Variants in LIG4 observed in about 807,000 individuals in gnomAD.
LIG4 encodes the protein DNA joinase.
In LIG4, 13 loss-of-function variants were observed where a neutral mutation model predicts 19.0. The observed-to-expected ratio is 0.68, with a 90% confidence interval of 0.44 to 1.09. LIG4 has a LOEUF of 1.09. LIG4 is among the 50% of genes least tolerant of loss of function. LIG4 has a pLI of 0.00. For synonymous variants in LIG4, 361 were observed against 358.2 expected (o/e 1.01, Z -0.09); for missense variants, 1,026 against 1,089.7 (o/e 0.94, Z 0.82).
In LIG4 at chr13:108,210,034, T is replaced by C. The variant is rs781425152; in HGVS notation, c.1235A>G (p.Asn412Ser). The C allele has an allele frequency of 6.2e-7, 1 of 1,612,386 alleles. No individual in the cohort carries two copies. Among genetic ancestry groups the C allele is most frequent in the Non-Finnish European group, 8.5e-7 (1 of 1,179,984 alleles). The stretch of plus-strand genomic sequence containing the variant: ...TTCATTCAATGCATCAATTACTTCA[T>C]TCTTAGTATGAGCTTGTGTTTTCTG... ...IVQKTQAHTK[N>S]EVIDALNEAI... Residue 412 changes from asparagine to serine, a missense_variant, in exon 3 of 3, where the codon AAT (asparagine) becomes AGT (serine). Coordinates refer to ENST00000442234, the MANE Select transcript of LIG4 (RefSeq NM_206937.2).
chr13:108,210,392 G>A lies in LIG4; in HGVS notation c.877C>T (p.Arg293Ter), dbSNP rs948441067. 1.2e-5 allele frequency: 19 copies of A among 1,613,522 alleles called. No individual in the cohort carries two copies. The South Asian group carries it at 1.3e-4, about 11-fold the overall frequency. ...KDGDVYKYFS[R>*]NGYNYTDQFG... is the part of the protein sequence containing the mutation. ...TGATCAGTGTAGTTATATCCATTTC[G>A]AGAGAAGTATTTATATACATCTCCA... The change falls in exon 3 of 3, where the codon CGA becomes TGA. Residue 293 changes from arginine to a stop codon, truncating the protein, a stop_gained. Transcript: ENST00000442234. LOFTEE classifies it low-confidence loss of function (END_TRUNC).
chr13:108,211,919 A>G (rs1594468342), intron 2 of LIG4, among the ~76,000 whole-genome samples: 1 of 152,174 alleles, frequency 6.6e-6, no homozygotes, highest in South Asian at 2.1e-4. Flanking sequence ...GTTTCCTTTC[A>G]CTTCTTCACT....
Position 108,208,676 on chromosome 13 carries a change from T to C in LIG4, c.2593A>G (p.Ile865Val), listed in dbSNP as rs1273180760. 3.7e-6 allele frequency: 6 copies of C among 1,613,998 alleles called. No homozygotes were observed. In the African/African-American group the frequency reaches 8.0e-5, roughly 22 times the overall value. ...CLAEGVSHVIIGEDHSRVADF... is the reference protein window; with the variant it reads ...CLAEGVSHVIVGEDHSRVADF... ...GCAACACGACTATGATCTTCCCCAA[T>C]TATTACATGAGACACTCCCTCAGCT... The change falls in exon 3 of 3, where the codon ATT (isoleucine) becomes GTT (valine). Residue 865 changes from isoleucine (I) to valine (V), a missense_variant. This residue lies in a region of LIG4 where 521 missense variants were observed against 515.5 expected (regional missense o/e 1.01). Transcript: ENST00000442234.
upstream of LIG4, chr13:108,215,552 T>A (rs1478742475): frequency 6.8e-6 from 1 of 147,894 alleles, no homozygotes; most frequent in Non-Finnish European, 1.5e-5. Flanking sequence ...TTCCGCCAGC[T>A]GCTCGCCGCG....
Position 108,208,551 on chromosome 13 carries a change from T to C in LIG4, c.2718A>G (p.Glu906=). 6.2e-7 allele frequency: 1 copy of C among 1,610,322 alleles called. No homozygotes were observed. The highest frequency in any genetic ancestry group is 8.5e-7 in the Non-Finnish European group (1 of 1,176,802). The change falls in exon 3 of 3, where the codon GAA becomes GAG. Residue 906 remains glutamate, a synonymous_variant. Coordinates refer to ENST00000442234, the MANE Select transcript of LIG4 (RefSeq NM_206937.2). ...CCTAGCTTTAAATCAAATACTGGTT[T>C]TCTTCTTGTAATTCACACTTGTCTA... The part of the protein sequence containing the change: ...DSIDKCELQE[E]NQYLI
Position 108,209,847 on chromosome 13 carries a change from T to C in LIG4, c.1422A>G (p.Gly474=), listed in dbSNP as rs777060297. ...ILIVGGYWGK[G]SRGGMMSHFL... is the part of the protein sequence containing the mutation. ...AATGAGACATCATTCCACCCCGTGA[T>C]CCTTTACCCCAATATCCTCCAACAA... Residue 474 remains glycine, a synonymous_variant, in exon 3 of 3, where the codon GGA becomes GGG. Transcript: ENST00000442234. 1.5e-5 allele frequency: 24 copies of C among 1,614,164 alleles called. No homozygotes were observed. The African/African-American group carries it at 2.0e-4, about 13-fold the overall frequency.
chr13:108,208,507 G>C lies in LIG4; in HGVS notation c.*26C>G, dbSNP rs773391515. On this transcript the variant is annotated 3_prime_UTR_variant, in exon 3 of 3. Transcript: ENST00000442234. Reference sequence around the variant, plus strand: ...GCTGCAATGAGTCTGCCAGATCAGAGGCTTTCCTCACTAGGAAACCTAGCT... The same window carrying C: ...GCTGCAATGAGTCTGCCAGATCAGACGCTTTCCTCACTAGGAAACCTAGCT... The C allele has an allele frequency of 1.2e-5, 17 of 1,448,980 alleles. No individual in the cohort carries two copies. Among genetic ancestry groups the C allele is most frequent in the Non-Finnish European group, 1.6e-5 (17 of 1,032,532 alleles). 89.8% of individuals were successfully genotyped at this position (1,448,980 alleles called of 1,614,324 possible).
Position 108,208,307 on chromosome 13 carries a change from TA to T in LIG4, c.*225del. 2.2e-6 allele frequency: 1 copy of T among 448,118 alleles called. No homozygotes were observed. The highest frequency in any genetic ancestry group is 2.6e-5 in the South Asian group (1 of 38,932). The allele number at this position is 448,118 out of a possible 1,614,324, so 27.8% of individuals were successfully genotyped here. Reference sequence around the variant, plus strand: ...TAGACTGTTTATTTCACCTTGATCATAAAAAATCATTGAATACTACATTCAA... The same window carrying T: ...TAGACTGTTTATTTCACCTTGATCATAAAAATCATTGAATACTACATTCAA... On this transcript the variant is annotated 3_prime_UTR_variant, in exon 3 of 3. Coordinates refer to ENST00000442234, the MANE Select transcript of LIG4 (RefSeq NM_206937.2).
chr13:108,214,878 G>A (rs895082260), intron 1 of LIG4: 1 of 26,488 alleles, frequency 3.8e-5, no homozygotes, highest in African/African-American at 1.8e-4. Flanking sequence ...CCCCCCACCT[G>A]ACGCCCCTCA....
In LIG4 at chr13:108,210,730, G is replaced by A; in HGVS notation, c.539C>T (p.Ala180Val). The change falls in exon 3 of 3, where the codon GCA becomes GTA. Residue 180 changes from alanine to valine, a missense_variant. Physicochemically the swap from Ala to Val is moderately conservative, Grantham distance 64. Transcript: ENST00000442234. Reference sequence around the variant, plus strand: ...CCGTATAAGCCACTTTTGCTCAAGTGCTGAACTCTGAGTTATAAGTTGAAG... The same window carrying A: ...CCGTATAAGCCACTTTTGCTCAAGTACTGAACTCTGAGTTATAAGTTGAAG... The part of the protein sequence containing the change: ...SLLQLITQSS[A>V]LEQKWLIRMI... 6.2e-7 allele frequency: 1 copy of A among 1,613,958 alleles called. No homozygotes were observed. Among genetic ancestry groups the A allele is most frequent in the South Asian group, 1.1e-5 (1 of 91,084 alleles).
In LIG4 at chr13:108,208,761, T is replaced by C. The variant is rs1878205012; in HGVS notation, c.2508A>G (p.Thr836=). Residue 836 remains threonine, a synonymous_variant, in exon 3 of 3, where the codon ACA becomes ACG. Coordinates refer to ENST00000442234, the MANE Select transcript of LIG4 (RefSeq NM_206937.2). ...GCTCCAAGGCTTTAATAGCTAACCTTGTCCCCTCATTTTTGGTACTCAGGT... is the reference window on the plus strand; with the variant it reads ...GCTCCAAGGCTTTAATAGCTAACCTCGTCCCCTCATTTTTGGTACTCAGGT... ...INDLSTKNEG[T]RLAIKALELR... 1.2e-6 allele frequency: 2 copies of C among 1,614,080 alleles called. No homozygotes were observed. Among genetic ancestry groups the C allele is most frequent in the East Asian group, 2.2e-5 (1 of 44,896 alleles).
Position 108,210,243 on chromosome 13 carries a change from G to A in LIG4, c.1026C>T (p.Phe342=), listed in dbSNP as rs1172792761. Residue 342 remains phenylalanine, a synonymous_variant, in exon 3 of 3, where the codon TTC becomes TTT. Coordinates refer to ENST00000442234, the MANE Select transcript of LIG4 (RefSeq NM_206937.2). The part of the protein sequence containing the change: ...MMAYNPNTQT[F]MQKGTKFDIK... Reference sequence around the variant, plus strand: ...TATCAAACTTAGTTCCCTTTTGCATGAAAGTTTGTGTATTAGGATTATAGG... The same window carrying A: ...TATCAAACTTAGTTCCCTTTTGCATAAAAGTTTGTGTATTAGGATTATAGG... 6.2e-7 allele frequency: 1 copy of A among 1,613,600 alleles called. No individual in the cohort carries two copies. The highest frequency in any genetic ancestry group is 8.5e-7 in the Non-Finnish European group (1 of 1,179,832).
In LIG4 at chr13:108,210,333, G is replaced by A. The variant is rs1878500994; in HGVS notation, c.936C>T (p.Thr312=). The A allele has an allele frequency of 2.5e-6, 4 of 1,613,822 alleles. No homozygotes were observed. The highest frequency in any genetic ancestry group is 3.4e-6 in the Non-Finnish European group (4 of 1,179,848). ...FGASPTEGSL[T]PFIHNAFKAD... Reference sequence around the variant, plus strand: ...CTTTGAATGCATTATGAATGAATGGGGTAAGAGAACCTTCAGTAGGAGAAG... The same window carrying A: ...CTTTGAATGCATTATGAATGAATGGAGTAAGAGAACCTTCAGTAGGAGAAG... The change falls in exon 3 of 3, where the codon ACC becomes ACT. Residue 312 remains threonine, a synonymous_variant. Coordinates refer to ENST00000442234, the MANE Select transcript of LIG4 (RefSeq NM_206937.2).
chr13:108,218,152 C>T (rs999944786), upstream of LIG4: 4 of 152,312 alleles, frequency 2.6e-5, no homozygotes, highest in Admixed American at 1.3e-4. Flanking sequence ...GAACAAATTG[C>T]TCCGCAAACC....
Position 108,208,728 on chromosome 13 carries a change from A to G in LIG4, c.2541T>C (p.Phe847=). ...RLAIKALELR[F]HGAKVVSCLA... is the part of the protein sequence containing the mutation. ...AACAAGAAACTACTTTTGCTCCATGAAACCGAAGCTCCAAGGCTTTAATAG... is the reference window on the plus strand; with the variant it reads ...AACAAGAAACTACTTTTGCTCCATGGAACCGAAGCTCCAAGGCTTTAATAG... The change falls in exon 3 of 3, where the codon TTT becomes TTC. Residue 847 remains phenylalanine, a synonymous_variant. Transcript: ENST00000442234. The G allele has an allele frequency of 6.2e-7, 1 of 1,614,228 alleles. No homozygotes were observed. The highest frequency in any genetic ancestry group is 8.5e-7 in the Non-Finnish European group (1 of 1,180,038).
rs1459741712 is a variant in LIG4, at chr13:108,210,446, C to A, written c.823G>T (p.Asp275Tyr). 17 of 1,613,450 alleles carry A rather than the reference C, an allele frequency of 1.1e-5. No individual in the cohort carries two copies. The highest frequency in any genetic ancestry group is 1.4e-5 in the Non-Finnish European group (17 of 1,179,938). Residue 275 changes from aspartate to tyrosine, a missense_variant, in exon 3 of 3, where the codon GAT becomes TAT. Coordinates refer to ENST00000442234, the MANE Select transcript of LIG4 (RefSeq NM_206937.2). Reference sequence around the variant, plus strand: ...TTGTGCATTTGCATACGTTCACCATCTAGCTTGGTTTCTATGTAGAAACTC... The same window carrying A: ...TTGTGCATTTGCATACGTTCACCATATAGCTTGGTTTCTATGTAGAAACTC... ...HQSFYIETKL[D>Y]GERMQMHKDG...
Position 108,210,656 on chromosome 13 carries a change from A to G in LIG4, c.613T>C (p.Ser205Pro). ...TCAGCAGCATCATTATGAAAAACAG[A>G]AAAGATAGTTTGCTGACTAACACCA... ...KLGVSQQTIF[S>P]VFHNDAAELH... is the part of the protein sequence containing the mutation. The change falls in exon 3 of 3, where the codon TCT becomes CCT. Residue 205 changes from serine to proline, a missense_variant. This residue lies in a region of LIG4 where 493 missense variants were observed against 544.5 expected (regional missense o/e 0.91). Coordinates refer to ENST00000442234, the MANE Select transcript of LIG4 (RefSeq NM_206937.2). The G allele has an allele frequency of 6.2e-7, 1 of 1,613,564 alleles. No homozygotes were observed. The highest frequency in any genetic ancestry group is 8.5e-7 in the Non-Finnish European group (1 of 1,179,738).
rs1878153241 is a variant in LIG4, at chr13:108,208,470, T to G, written c.*63A>C. 2 of 1,002,696 alleles carry G rather than the reference T, an allele frequency of 2.0e-6. No individual in the cohort carries two copies. Among genetic ancestry groups the G allele is most frequent in the Non-Finnish European group, 3.1e-6 (2 of 650,284 alleles). The allele number at this position is 1,002,696 out of a possible 1,614,324, so 62.1% of individuals were successfully genotyped here. A position where few individuals can be genotyped will look rare whatever the true frequency, so the allele number is the denominator to read the frequency against. On this transcript the variant is annotated 3_prime_UTR_variant, in exon 3 of 3. Transcript: ENST00000442234. ...AAATAAAATGTAGTTTAGTATTTTATCATTACCACCTGCTGCAATGAGTCT... is the reference window on the plus strand; with the variant it reads ...AAATAAAATGTAGTTTAGTATTTTAGCATTACCACCTGCTGCAATGAGTCT...
At chr13:108,217,916 C>A (rs1347638542), upstream of LIG4, among the ~76,000 whole-genome samples, 2 of 152,096 alleles carry the variant, frequency 1.3e-5, no homozygotes, top group African/African-American at 4.8e-5. Flanking sequence ...GGGGCCCTAA[C>A]GAGGTGTTCC....
Sources: gnomAD v4.1 joint callset for allele counts (sites outside exome capture counted in the v4.1 genomes callset) on GRCh38, gnomAD v4.1.1 for gene constraint, gnomAD v4.1.1 regional missense constraint, MANE v1.5 for transcripts, NCBI Gene and HGNC (gene_info 2026-07-23, HGNC 2026-07-21) for gene names.